The following CALN1 variants were observed in gnomAD, a reference collection of about 807,000 sequenced individuals.
CALN1 encodes calneuron 1.
CALN1 carries 17 observed loss-of-function variants against 30.6 expected under a neutral mutation model. That is an observed-to-expected ratio of 0.56 (90% CI 0.38 to 0.83). The LOEUF (loss-of-function observed/expected upper bound fraction) is 0.83. Among genes scored for constraint, CALN1 ranks in the 40% least tolerant of loss-of-function variants. The probability of loss-of-function intolerance (pLI) is 0.00; values close to 1 mark genes in which losing one functional copy is unlikely to be tolerated. For synonymous variants in CALN1, 156 were observed against 131.4 expected (o/e 1.19, Z -1.28); for missense variants, 291 against 354.9 (o/e 0.82, Z 1.45).
chr7:72,247,536 T>G (rs549210122), intron 3 of CALN1, among the ~76,000 whole-genome samples: 20 of 151,682 alleles, frequency 1.3e-4, no homozygotes, highest in African/African-American at 4.8e-4. Context: ...ATTACAGGCA[T>G]GAGCCACCGT....
At chr7:72,181,096 AC>A (rs199527098) in intron 3 of CALN1, among the ~76,000 whole-genome samples, 16,829 of 71,538 alleles carry the variant, frequency 0.24, 1,855 homozygotes, top group African/African-American at 0.32. Context: ...AAACTGCATA[AC>A]CCCCCCCCCC....
chr7:72,439,199 T>A (rs1343396153), intron 1 of CALN1, among the ~76,000 whole-genome samples: 3 of 152,130 alleles, frequency 2.0e-5, no homozygotes, highest in Non-Finnish European at 4.4e-5. Flanking sequence ...ACTAGTTAAT[T>A]TTTAAAATTA....
chr7:72,019,405 T>C (rs1295490213), intron 5 of CALN1, among the ~76,000 whole-genome samples: 1 of 152,148 alleles, frequency 6.6e-6, no homozygotes, highest in African/African-American at 2.4e-5. Context: ...GGGAGGCTGT[T>C]CTCTCCCACA....
rs1479091655 is a variant in CALN1 at position 72,054,474 on chromosome 7, TAC to T, written c.389-30707_389-30706del. Reference sequence around the variant, plus strand: ...ATATATATACATATATATACATATATACATACATATATATATACATATATACA... The same window carrying T: ...ATATATATACATATATATACATATATATACATATATATATACATATATACA... On this transcript the variant is annotated intron_variant, in intron 4 of 6. Coordinates refer to ENST00000395275, the MANE Select transcript of CALN1 (RefSeq NM_031468.4). Among the ~76,000 whole-genome samples, 66 of 65,476 alleles carry T rather than the reference TAC, an allele frequency of 1.0e-3. 4 individuals carry two copies. In the South Asian group the frequency reaches 0.012, roughly 12 times the overall value. 43.0% of individuals were successfully genotyped at this position (65,476 alleles called of 152,430 possible). A position where few individuals can be genotyped will look rare whatever the true frequency, so the allele number is the denominator to read the frequency against.
the CALN1 span, among the ~76,000 whole-genome samples, chr7:72,466,213 ACCCAACAG>A: frequency 6.6e-6 from 1 of 152,202 alleles, no homozygotes. Flanking sequence ...AGGAGAACAG[ACCCAACAG>A]ACTTTTCTTG....
intron 3 of CALN1, among the ~76,000 whole-genome samples, chr7:72,270,766 CACTGTCTTA>C (rs1430093331): frequency 6.6e-6 from 1 of 152,196 alleles, no homozygotes; most frequent in African/African-American, 2.4e-5. Context: ...CAGAGCAAGA[CACTGTCTTA>C]AAAATAAACA....
the CALN1 span, among the ~76,000 whole-genome samples, chr7:72,456,052 C>T: frequency 2.0e-5 from 3 of 152,040 alleles, no homozygotes; most frequent in Admixed American, 2.0e-4. Flanking sequence ...GGCCTGGTGG[C>T]ACGCACATGT....
intron 4 of CALN1, among the ~76,000 whole-genome samples, chr7:72,032,652 A>C (rs1801531886): frequency 6.6e-6 from 1 of 152,184 alleles, no homozygotes; most frequent in Non-Finnish European, 1.5e-5. Flanking sequence ...GTTAGTGGGA[A>C]ATTGGGAGAG....
chr7:72,498,380 A>T, the CALN1 span, among the ~76,000 whole-genome samples: 1 of 152,074 alleles, frequency 6.6e-6, no homozygotes, highest in Non-Finnish European at 1.5e-5. Flanking sequence ...ATACCTAGCC[A>T]CATCATGGAT....
At chr7:71,836,135 C>T (rs1789585335) in intron 5 of CALN1, among the ~76,000 whole-genome samples, 1 of 152,228 alleles carries the variant, frequency 6.6e-6, no homozygotes. Context: ...CCAATTTCCT[C>T]TAGAAGCAGA....
At chr7:72,262,498 C>T (rs1480148808) in intron 3 of CALN1, among the ~76,000 whole-genome samples, 2 of 152,160 alleles carry the variant, frequency 1.3e-5, no homozygotes, top group African/African-American at 4.8e-5. Flanking sequence ...TCAACGTGCC[C>T]TTTTCCTCTC....
intron 5 of CALN1, among the ~76,000 whole-genome samples, chr7:71,953,997 G>T (rs1290679378): frequency 6.6e-6 from 1 of 152,206 alleles, no homozygotes; most frequent in Non-Finnish European, 1.5e-5. Flanking sequence ...TGGCTTACTG[G>T]AACAACTGCA....
At position 72,352,338 on chromosome 7, in the gene CALN1, A is replaced by G. The variant is rs201422515; in HGVS notation, c.119+50913T>C. Among the ~76,000 whole-genome samples the G allele has an allele frequency of 8.1e-3, 1,096 of 135,972 alleles. 44 individuals carry two copies. In the East Asian group the frequency reaches 0.14, roughly 17 times the overall value. 89.2% of individuals were successfully genotyped at this position (135,972 alleles called of 152,430 possible). ...TGGGAGGCAGAGGTTGCAGTGAGACACTATTGTGCCATTGCACTCCAGCCT... is the reference window on the plus strand; with the variant it reads ...TGGGAGGCAGAGGTTGCAGTGAGACGCTATTGTGCCATTGCACTCCAGCCT... On this transcript the variant is annotated intron_variant, in intron 2 of 6. Transcript: ENST00000395275.
upstream of CALN1, among the ~76,000 whole-genome samples, chr7:72,413,201 TCA>T (rs59261666): frequency 3.7e-4 from 56 of 151,170 alleles, no homozygotes; most frequent in East Asian, 1.8e-3. Context: ...GCCCACCCAC[TCA>T]CACACACACA....
intron 2 of CALN1, among the ~76,000 whole-genome samples, chr7:72,363,308 G>A (rs6953315): frequency 0.2 from 30,462 of 152,032 alleles, 3,811 homozygotes; most frequent in East Asian, 0.37. Context: ...GCGTGATCTC[G>A]GCTCATTGCA....
chr7:71,862,251 G>A (rs778202036), intron 5 of CALN1, among the ~76,000 whole-genome samples: 1 of 152,188 alleles, frequency 6.6e-6, no homozygotes, highest in African/African-American at 2.4e-5. Flanking sequence ...ACTAGCGTAT[G>A]CTGTTAAGGC....
intron 2 of CALN1, among the ~76,000 whole-genome samples, chr7:72,385,104 A>G (rs1805134888): frequency 6.6e-6 from 1 of 152,230 alleles, no homozygotes; most frequent in Admixed American, 6.5e-5. Context: ...ACAAGATACC[A>G]CTACACACAT....
chr7:72,415,254 A>T (rs184122442), upstream of CALN1, among the ~76,000 whole-genome samples: 21 of 152,354 alleles, frequency 1.4e-4, no homozygotes, highest in East Asian at 2.3e-3. Context: ...CTGTGGGAGC[A>T]CCTGGGTCTA....
At chr7:72,159,902 C>G (rs142147001) in intron 3 of CALN1, among the ~76,000 whole-genome samples, 10 of 152,316 alleles carry the variant, frequency 6.6e-5, no homozygotes, top group Middle Eastern at 3.4e-3. Context: ...ACAGATATCT[C>G]TGAAGTCTGT....
Sources: gnomAD v4.1 joint callset for allele counts (sites outside exome capture counted in the v4.1 genomes callset) on GRCh38, gnomAD v4.1.1 for gene constraint, MANE v1.5 for transcripts, NCBI Gene and HGNC (gene_info 2026-07-23, HGNC 2026-07-21) for gene names.